RGS10: variants seen among roughly 807,000 people sequenced by gnomAD.
The protein encoded by RGS10 is regulator of G-protein signalling 10.
RGS10 carries 11 observed loss-of-function variants against 23.5 expected under a neutral mutation model. That is an observed-to-expected ratio of 0.47 (90% CI 0.29 to 0.77). The LOEUF is 0.77. RGS10 is among the 30% of genes least tolerant of loss of function. RGS10 has a pLI of 0.08. For missense variants in RGS10, 180 were observed against 226.3 expected (o/e 0.80, Z 1.31); for synonymous variants, 77 against 83.2 (o/e 0.92, Z 0.41).
chr10:119,499,941 G>T lies in RGS10; in HGVS notation c.*172C>A. 7.0e-6 allele frequency: 4 copies of T among 571,696 alleles called. No homozygotes were observed. The highest frequency in any genetic ancestry group is 1.2e-5 in the Non-Finnish European group (4 of 337,724). The allele number at this position is 571,696 out of a possible 1,614,324, so 35.4% of individuals were successfully genotyped here. ...TTATTATTATTCTTTTTTTATGTTA[G>T]CTTAGCCATCATGCAAAATTTACTG... is the stretch of plus-strand genomic sequence containing the variant. On this transcript the variant is annotated 3_prime_UTR_variant, in exon 5 of 5. Transcript: ENST00000369103.
chr10:119,526,000 A>C (rs1844268731), intron 3 of RGS10, 32 bp downstream of exon 3: 1 of 1,269,172 alleles, frequency 7.9e-7, no homozygotes, highest in Non-Finnish European at 1.1e-6. Context: ...TAACTTTATA[A>C]GGGAAAAAAA....
intron 3 of RGS10, among the ~76,000 whole-genome samples, chr10:119,522,768 G>A (rs961965927): frequency 7.3e-5 from 11 of 151,366 alleles, no homozygotes; most frequent in South Asian, 2.1e-4. Flanking sequence ...TTCTCCCAGT[G>A]CCTATGTTCC....
At chr10:119,534,341 C>A (rs542112887) in intron 1 of RGS10, among the ~76,000 whole-genome samples, 54 of 151,400 alleles carry the variant, frequency 3.6e-4, no homozygotes, top group African/African-American at 1.3e-3. Flanking sequence ...GTCTGTAATC[C>A]CAGCACTTTG....
intron 3 of RGS10, among the ~76,000 whole-genome samples, chr10:119,521,392 G>A (rs982770883): frequency 2.6e-5 from 4 of 151,928 alleles, no homozygotes; most frequent in Admixed American, 1.3e-4. Flanking sequence ...CCAACATGGC[G>A]AAACCCCATC....
chr10:119,537,698 G>A (rs1263847072), intron 1 of RGS10, among the ~76,000 whole-genome samples: 2 of 152,182 alleles, frequency 1.3e-5, no homozygotes, highest in Non-Finnish European at 2.9e-5. Context: ...CCAGGTGGCC[G>A]CCTGCCCACA....
chr10:119,503,361 T>C (rs1337634542), intron 4 of RGS10, among the ~76,000 whole-genome samples: 2 of 147,938 alleles, frequency 1.4e-5, no homozygotes, highest in South Asian at 2.1e-4. Context: ...AAAAAGAGAA[T>C]GCACCTAAAA....
intron 1 of RGS10, among the ~76,000 whole-genome samples, chr10:119,528,052 T>C (rs1463391683): frequency 6.6e-6 from 1 of 152,194 alleles, no homozygotes; most frequent in East Asian, 1.9e-4. Flanking sequence ...TGTTTGTTTT[T>C]GACAGAGTCA....
intron 4 of RGS10, among the ~76,000 whole-genome samples, chr10:119,512,910 A>G (rs2133949012): frequency 6.6e-6 from 1 of 152,324 alleles, no homozygotes; most frequent in South Asian, 2.1e-4. Context: ...AGCAGTTTGG[A>G]CTGCACATCT....
chr10:119,527,494 G>C lies in RGS10; in HGVS notation c.50-70C>G. 8.5e-7 allele frequency: 1 copy of C among 1,180,182 alleles called. No individual in the cohort carries two copies. Among genetic ancestry groups the C allele is most frequent in the Non-Finnish European group, 1.3e-6 (1 of 788,878 alleles). 73.1% of individuals were successfully genotyped at this position (1,180,182 alleles called of 1,614,324 possible). On this transcript the variant is annotated intron_variant, in intron 1 of 4. Coordinates refer to ENST00000369103, the MANE Select transcript of RGS10 (RefSeq NM_001005339.2). This position sits in a 1 kb window ranked among gnomAD's most constrained non-coding sequence, Gnocchi z 4.2. Reference sequence around the variant, plus strand: ...TCATTTTAAGAAATCTGCATGCAATGGTCAGCACTGCCGTCACCATCACGG... The same window carrying C: ...TCATTTTAAGAAATCTGCATGCAATCGTCAGCACTGCCGTCACCATCACGG...
At chr10:119,501,679 C>T (rs917768797) in intron 4 of RGS10, among the ~76,000 whole-genome samples, 2 of 152,132 alleles carry the variant, frequency 1.3e-5, no homozygotes, top group East Asian at 3.9e-4. Flanking sequence ...GCTGAGATCA[C>T]ACCACTGCAC....
intron 3 of RGS10, among the ~76,000 whole-genome samples, chr10:119,521,766 C>T (rs955269077): frequency 6.6e-6 from 1 of 150,628 alleles, no homozygotes; most frequent in Non-Finnish European, 1.5e-5. Flanking sequence ...ATTACTGATT[C>T]TCAACAAAAG....
At chr10:119,519,025 C>A (rs1386631140) in intron 3 of RGS10, among the ~76,000 whole-genome samples, 3 of 152,136 alleles carry the variant, frequency 2.0e-5, no homozygotes, top group African/African-American at 7.2e-5. Context: ...TTTTTGAAAT[C>A]TCTTAAAAGA....
chr10:119,500,144 GC>G lies in RGS10; in HGVS notation c.514del (p.Ala172LeufsTer21). ...EEDLPDAQTA[A>X]KRASRIYNT ...GTTATAAATTCTGGAAGCTCTTTTA[GC>G]TGCAGTTTGAGCATCAGGCAAATCT... On this transcript the variant is annotated frameshift_variant, in exon 5 of 5. Transcript: ENST00000369103. LOFTEE classifies it high-confidence loss of function. 6.2e-7 allele frequency: 1 copy of G among 1,613,950 alleles called. No individual in the cohort carries two copies.
intron 1 of RGS10, among the ~76,000 whole-genome samples, chr10:119,529,641 T>A (rs1844313443): frequency 6.6e-6 from 1 of 152,158 alleles, no homozygotes; most frequent in Admixed American, 6.5e-5. Context: ...GCTCAACAAA[T>A]GTGAGCTCCT....
At chr10:119,536,476 G>C in intron 1 of RGS10, 1 of 1,612,866 alleles carries the variant, frequency 6.2e-7, no homozygotes, top group East Asian at 2.2e-5. Flanking sequence ...TCCATGCTCT[G>C]GTGTCCACCT....
rs1844162439 is a variant in RGS10 at position 119,517,677 on chromosome 10, C to T, written c.256-2025G>A. On this transcript the variant is annotated intron_variant, in intron 3 of 4. Transcript: ENST00000369103. The surrounding 1 kb of genome is among the most constrained non-coding windows in gnomAD (Gnocchi z 5.0). The stretch of plus-strand genomic sequence containing the variant: ...CCTCCCCTTGACATTCACACGCACA[C>T]ACACACGCACACACGTGCACACACG... 6.6e-6 allele frequency among the ~76,000 whole-genome samples: 1 copy of T among 152,196 alleles called. No individual in the cohort carries two copies. The highest frequency in any genetic ancestry group is 2.4e-5 in the African/African-American group (1 of 41,440).
rs544790017 is a variant in RGS10 at position 119,530,940 on chromosome 10, A to G, written c.50-3516T>C. 2.6e-5 allele frequency among the ~76,000 whole-genome samples: 4 copies of G among 152,378 alleles called. No individual in the cohort carries two copies. The South Asian group carries it at 6.2e-4, about 24-fold the overall frequency. ...TTGGGACAAATCCTTTCCTCTAACC[A>G]TGAAGGAAACTCACTTAAACACATC... On this transcript the variant is annotated intron_variant, in intron 1 of 4. Transcript: ENST00000369103.
rs1279690715 is a variant in RGS10, at chr10:119,542,602, G to A, written c.37C>T (p.Arg13Trp). 2 of 1,425,904 alleles carry A rather than the reference G, an allele frequency of 1.4e-6. No homozygotes were observed. Among genetic ancestry groups the A allele is most frequent in the Non-Finnish European group, 1.8e-6 (2 of 1,087,536 alleles). 88.3% of individuals were successfully genotyped at this position (1,425,904 alleles called of 1,614,324 possible). The change falls in exon 1 of 5, where the codon CGG becomes TGG. Residue 13 changes from arginine to tryptophan, a missense_variant. By Grantham distance (101) the Arg-to-Trp change is moderately radical (BLOSUM62 -3). Coordinates refer to ENST00000369103, the MANE Select transcript of RGS10 (RefSeq NM_001005339.2). ...NRAVSRLSRK[R>W]PPSDIHDSDG... is the part of the protein sequence containing the mutation. ...CGAAGCCGCTTACCTGACGGCGGCCGCTTCCTGCTCAGCCGGCTCACGGCG... is the reference window on the plus strand; with the variant it reads ...CGAAGCCGCTTACCTGACGGCGGCCACTTCCTGCTCAGCCGGCTCACGGCG...
chr10:119,537,128 C>G (rs1844395370), intron 1 of RGS10, among the ~76,000 whole-genome samples: 1 of 152,160 alleles, frequency 6.6e-6, no homozygotes, highest in African/African-American at 2.4e-5. Context: ...CGTGGTGGCT[C>G]ACGCCTGTAA....
Sources: allele counts gnomAD v4.1 joint callset (sites outside exome capture counted in the v4.1 genomes callset), GRCh38; gene constraint gnomAD v4.1.1; non-coding constraint Gnocchi (gnomAD v3.1); transcripts MANE v1.5; gene names NCBI Gene and HGNC (gene_info 2026-07-23, HGNC 2026-07-21).